Variants in HK1 observed in about 807,000 individuals in gnomAD.
HK1 encodes the protein hexokinase-1.
HK1 carries 28 observed loss-of-function variants against 91.6 expected under a neutral mutation model. The observed-to-expected ratio is 0.31, with a 90% CI of 0.23 to 0.42. The LOEUF (loss-of-function observed/expected upper bound fraction) is 0.42. Ranked by LOEUF, HK1 falls within the 10% of genes least tolerant of loss-of-function variation. HK1 has a pLI of 1.00. For synonymous variants in HK1, 430 were observed against 468.1 expected (o/e 0.92, Z 1.05); for missense variants, 770 against 1,219.8 (o/e 0.63, Z 5.49).
rs572492087 is a variant in HK1 at position 69,348,480 on chromosome 10, A to C, written c.226+4491A>C. Among the ~76,000 whole-genome samples, 3 of 152,374 alleles carry C rather than the reference A, an allele frequency of 2.0e-5. No individual in the cohort carries two copies. In the East Asian group the frequency reaches 5.8e-4, roughly 29 times the overall value. ...AGTTCCCATCATGCAGCTGGATTGT[A>C]GATGGGCAGGAATGCCTGTGTATCT... On this transcript the variant is annotated intron_variant, in intron 2 of 17. Transcript: ENST00000359426.
intron 2 of HK1, among the ~76,000 whole-genome samples, chr10:69,349,781 A>T (rs1160110964): frequency 6.6e-6 from 1 of 152,196 alleles, no homozygotes; most frequent in Non-Finnish European, 1.5e-5. Flanking sequence ...ATGGAGGGCA[A>T]GTGGGTATTT....
At chr10:69,305,425 G>A (rs1846056763) in intron 5 of HK1, among the ~76,000 whole-genome samples, 1 of 152,176 alleles carries the variant, frequency 6.6e-6, no homozygotes, top group Admixed American at 6.6e-5. Context: ...AGCTGTGTCA[G>A]CTGCGCCTGC....
chr10:69,374,204 CTCTG>C (rs959331987), intron 7 of HK1, among the ~76,000 whole-genome samples: 7 of 152,194 alleles, frequency 4.6e-5, no homozygotes, highest in Non-Finnish European at 7.3e-5. Context: ...GGCCATGGGC[CTCTG>C]TCTCTTTTCT....
At chr10:69,358,017 C>G (rs758049639) in intron 2 of HK1, among the ~76,000 whole-genome samples, 1 of 152,076 alleles carries the variant, frequency 6.6e-6, no homozygotes. Flanking sequence ...TTCAATAATG[C>G]TGTTACATAA....
At chr10:69,276,138 T>TATATATATACACAC (rs753204633) in intron 1 of HK1, among the ~76,000 whole-genome samples, 1 of 76,458 alleles carries the variant, frequency 1.3e-5, no homozygotes, top group African/African-American at 4.1e-5. Flanking sequence ...TATATATATA[T>TATATATATACACAC]ACACATATAT....
At chr10:69,374,385 T>TCA (rs1274509316) in intron 7 of HK1, among the ~76,000 whole-genome samples, 1 of 152,234 alleles carries the variant, frequency 6.6e-6, no homozygotes, top group Non-Finnish European at 1.5e-5. Context: ...ACGCCGCCTC[T>TCA]CACTGCCTGT....
exon 3 of HK1, chr10:69,288,703 G>A (rs192371594): frequency 1.2e-6 from 2 of 1,607,674 alleles, no homozygotes; most frequent in East Asian, 2.2e-5. Flanking sequence ...GAGTAGAAAA[G>A]CAGAAGAAAG....
chr10:69,271,693 A>G (rs559329979), intron 1 of HK1, among the ~76,000 whole-genome samples: 29 of 151,980 alleles, frequency 1.9e-4, no homozygotes, highest in African/African-American at 6.0e-4. Context: ...TAGCCAGGAT[A>G]GTCTCAATCT....
intron 7 of HK1, 87 bp from the exon 8 acceptor site, chr10:69,376,847 G>C: frequency 1.3e-6 from 2 of 1,536,982 alleles, no homozygotes; most frequent in Non-Finnish European, 1.8e-6. Context: ...GTGAGTCGGG[G>C]CTTCCCATTC....
intron 2 of HK1, among the ~76,000 whole-genome samples, chr10:69,358,627 C>G (rs940972641): frequency 1.3e-5 from 2 of 152,108 alleles, no homozygotes; most frequent in Non-Finnish European, 2.9e-5. Flanking sequence ...CCTGGGAGGC[C>G]AAAGCGGGTA....
intron 3 of HK1, chr10:69,292,438 G>A (rs1006548097): frequency 2.6e-6 from 1 of 377,950 alleles, no homozygotes; most frequent in Non-Finnish European, 5.2e-6. Context: ...CTCCAGGGGA[G>A]ATACACACAT....
intron 17 of HK1, among the ~76,000 whole-genome samples, chr10:69,399,294 C>G (rs3793847): frequency 0.38 from 57,715 of 151,932 alleles, 11,570 homozygotes; most frequent in South Asian, 0.52. Flanking sequence ...AGGACTGCTT[C>G]AGTCCAGGAG....
rs977684875 is a variant in HK1, at chr10:69,401,330, C to T, written c.*195C>T. ...TGTGCTGTTGATAATATCTCTCACCCGGATCCCTCCTCACTTGCCCTGCCA... is the reference window on the plus strand; with the variant it reads ...TGTGCTGTTGATAATATCTCTCACCTGGATCCCTCCTCACTTGCCCTGCCA... On this transcript the variant is annotated 3_prime_UTR_variant, in exon 18 of 18. Transcript: ENST00000359426. The T allele has an allele frequency of 9.2e-6, 6 of 650,076 alleles. No individual in the cohort carries two copies. The highest frequency in any genetic ancestry group is 2.7e-5 in the East Asian group (1 of 36,584). The allele number at this position is 650,076 out of a possible 1,614,324, so 40.3% of individuals were successfully genotyped here.
intron 17 of HK1, among the ~76,000 whole-genome samples, chr10:69,399,715 C>T (rs1016704394): frequency 2.6e-5 from 4 of 152,118 alleles, no homozygotes; most frequent in South Asian, 4.2e-4. Context: ...TGTGATCCAC[C>T]GCATGTCTCA....
chr10:69,318,384 G>A (rs1412490332), upstream of HK1: 1 of 275,290 alleles, frequency 3.6e-6, no homozygotes, highest in Non-Finnish European at 5.5e-6. Context: ...ACTCCTAGGG[G>A]CGAGCCCTCA....
chr10:69,365,887 A>G (rs576249186), intron 4 of HK1, among the ~76,000 whole-genome samples: 1 of 152,232 alleles, frequency 6.6e-6, no homozygotes, highest in East Asian at 1.9e-4. Flanking sequence ...GCTGGAGTGC[A>G]ATGGCACGAT....
chr10:69,297,545 C>A (rs1024908958), intron 4 of HK1, among the ~76,000 whole-genome samples: 1 of 152,116 alleles, frequency 6.6e-6, no homozygotes, highest in Non-Finnish European at 1.5e-5. Context: ...ATAGTGGCCC[C>A]CTCCTTTATT....
At chr10:69,387,886 A>G (rs1467924826) in intron 13 of HK1, among the ~76,000 whole-genome samples, 1 of 118,804 alleles carries the variant, frequency 8.4e-6, no homozygotes, top group Non-Finnish European at 1.6e-5. Context: ...TTTTTTTTTG[A>G]CTTTTTTTCA....
Position 69,369,285 on chromosome 10 carries a change from A to G in HK1, c.640A>G (p.Met214Val). 1 of 1,614,252 alleles carries G rather than the reference A, an allele frequency of 6.2e-7. No individual in the cohort carries two copies. Among genetic ancestry groups the G allele is most frequent in the Non-Finnish European group, 8.5e-7 (1 of 1,180,036 alleles). ...TGTGGTGAATGACACAGTGGGCACC[A>G]TGATGACCTGTGGCTATGACGACCA... ...VAVVNDTVGT[M>V]MTCGYDDQHC... The change falls in exon 6 of 18, where the codon ATG becomes GTG. Residue 214 changes from methionine (M) to valine (V), a missense_variant. Physicochemically the swap from Met to Val is conservative, Grantham distance 21. This residue lies in a region of HK1 where 449 missense variants were observed against 665.1 expected (regional missense o/e 0.68). Coordinates refer to ENST00000359426, the MANE Select transcript of HK1 (RefSeq NM_000188.3). This position sits in a 1 kb window ranked among gnomAD's most constrained non-coding sequence, Gnocchi z 4.4.
Sources: gnomAD v4.1 joint callset for allele counts (sites outside exome capture counted in the v4.1 genomes callset) on GRCh38, gnomAD v4.1.1 for gene constraint, gnomAD v4.1.1 regional missense constraint, Gnocchi (gnomAD v3.1) non-coding constraint, MANE v1.5 for transcripts, NCBI Gene and HGNC (gene_info 2026-07-23, HGNC 2026-07-21) for gene names.